SGCZ: variants seen among roughly 807,000 people sequenced by gnomAD.
SGCZ encodes sarcoglycan zeta.
In SGCZ, 40 loss-of-function variants were observed where a neutral mutation model predicts 41.3. That is an observed-to-expected ratio of 0.97 (90% CI 0.75 to 1.26). The LOEUF is 1.26. SGCZ is among the 50% of genes most tolerant of loss of function. The probability of loss-of-function intolerance (pLI) is 0.00; values close to 1 mark genes in which losing one functional copy is unlikely to be tolerated. For missense variants in SGCZ, 552 were observed against 369.8 expected, an observed-to-expected ratio of 1.49 and a Z score of -4.04; for synonymous variants, 206 against 137.5, an observed-to-expected ratio of 1.50 and a Z score of -3.49.
chr8:14,298,812 T>A (rs748079012), intron 3 of SGCZ, among the ~76,000 whole-genome samples: 1 of 152,034 alleles, frequency 6.6e-6, no homozygotes, highest in Non-Finnish European at 1.5e-5. Flanking sequence ...CTAACTGGTG[T>A]GTGTGGGTGT....
chr8:14,137,636 A>C (rs2116916393), intron 5 of SGCZ, among the ~76,000 whole-genome samples: 1 of 152,350 alleles, frequency 6.6e-6, no homozygotes, highest in Non-Finnish European at 1.5e-5. Flanking sequence ...AGAAAAAAAG[A>C]GTAAAAAGAA....
chr8:14,127,584 T>G (rs1802902103), intron 5 of SGCZ, among the ~76,000 whole-genome samples: 1 of 151,948 alleles, frequency 6.6e-6, no homozygotes, highest in South Asian at 2.1e-4. Flanking sequence ...GCCTCCCGAG[T>G]AGCTGGGACT....
intron 1 of SGCZ, among the ~76,000 whole-genome samples, chr8:14,735,953 T>C (rs1363412524): frequency 6.6e-6 from 1 of 151,932 alleles, no homozygotes; most frequent in Non-Finnish European, 1.5e-5. Flanking sequence ...AAGATAAAAG[T>C]CTACCAAATA....
chr8:14,989,823 C>T lies in SGCZ; in HGVS notation c.39+247762G>A, dbSNP rs189429871. On this transcript the variant is annotated intron_variant, in intron 1 of 7. Transcript: ENST00000382080. ...GTTTTTGTTACAAAAACATCCATAT[C>T]CATTACAGACATAAGTAGGAACCTG... Among the ~76,000 whole-genome samples the T allele has an allele frequency of 2.2e-3, 340 of 152,204 alleles. 2 individuals carry two copies. The highest frequency in any genetic ancestry group is 7.8e-3 in the African/African-American group (323 of 41,530).
At chr8:15,191,010 T>A (rs1429766470) in intron 1 of SGCZ, among the ~76,000 whole-genome samples, 2 of 152,050 alleles carry the variant, frequency 1.3e-5, no homozygotes, top group African/African-American at 4.8e-5. Context: ...ATTTTACTGT[T>A]ATAAATCTTC....
At position 14,949,060 on chromosome 8, in the gene SGCZ, T is replaced by C. The variant is rs1585404609; in HGVS notation, c.39+288525A>G. Reference sequence around the variant, plus strand: ...ATCACAATATCCAAAGTACATTCGGTACATTTCCACTGAAACTTACACCGC... The same window carrying C: ...ATCACAATATCCAAAGTACATTCGGCACATTTCCACTGAAACTTACACCGC... On this transcript the variant is annotated intron_variant, in intron 1 of 7. Coordinates refer to ENST00000382080, the MANE Select transcript of SGCZ (RefSeq NM_139167.4). Among the ~76,000 whole-genome samples, 4 of 152,260 alleles carry C rather than the reference T, an allele frequency of 2.6e-5. No individual in the cohort carries two copies. The South Asian group carries it at 6.2e-4, about 24-fold the overall frequency.
intron 1 of SGCZ, among the ~76,000 whole-genome samples, chr8:15,144,247 T>C (rs1464430524): frequency 6.6e-6 from 1 of 152,182 alleles, no homozygotes; most frequent in Non-Finnish European, 1.5e-5. Flanking sequence ...AGACTTAAAA[T>C]ATTTCTTATG....
At chr8:15,025,565 G>C (rs1803424967) in intron 1 of SGCZ, among the ~76,000 whole-genome samples, 1 of 152,134 alleles carries the variant, frequency 6.6e-6, no homozygotes, top group Non-Finnish European at 1.5e-5. Flanking sequence ...TTCTTAGTTT[G>C]AAATCCCATT....
intron 1 of SGCZ, among the ~76,000 whole-genome samples, chr8:15,119,576 A>G (rs1164059392): frequency 7.0e-6 from 1 of 143,686 alleles, no homozygotes; most frequent in Non-Finnish European, 1.5e-5. Flanking sequence ...CTATTATAAC[A>G]TGTCTATGAA....
At chr8:14,498,521 A>T (rs988106931) in intron 2 of SGCZ, among the ~76,000 whole-genome samples, 1 of 152,120 alleles carries the variant, frequency 6.6e-6, no homozygotes. Flanking sequence ...TAGAAACAAA[A>T]GAATAACCCA....
chr8:15,204,426 C>T (rs1800995500), intron 1 of SGCZ, among the ~76,000 whole-genome samples: 1 of 152,124 alleles, frequency 6.6e-6, no homozygotes, highest in Non-Finnish European at 1.5e-5. Flanking sequence ...TCTGTAATTG[C>T]ATTATTTTTA....
intron 1 of SGCZ, among the ~76,000 whole-genome samples, chr8:14,695,091 A>C (rs901714006): frequency 1.3e-5 from 2 of 152,174 alleles, no homozygotes; most frequent in African/African-American, 2.4e-5. Flanking sequence ...TAATGTCCAA[A>C]GAAAATTGAT....
At chr8:14,555,681 C>A (rs1804013692) in intron 1 of SGCZ, among the ~76,000 whole-genome samples, 2 of 152,142 alleles carry the variant, frequency 1.3e-5, no homozygotes, top group African/African-American at 2.4e-5. Context: ...TTTACCTGTT[C>A]TTTGCAGTAG....
chr8:14,681,043 A>G (rs1163794295), intron 1 of SGCZ, among the ~76,000 whole-genome samples: 1 of 151,572 alleles, frequency 6.6e-6, no homozygotes, highest in Non-Finnish European at 1.5e-5. Flanking sequence ...ATTGAAATCC[A>G]TAGATGAAAT....
intron 1 of SGCZ, among the ~76,000 whole-genome samples, chr8:14,896,136 T>C (rs1434147521): frequency 6.6e-6 from 1 of 152,200 alleles, no homozygotes; most frequent in Non-Finnish European, 1.5e-5. Flanking sequence ...GAAACTGCTA[T>C]GGGTAGGTGA....
intron 1 of SGCZ, among the ~76,000 whole-genome samples, chr8:15,171,055 G>C (rs988068225): frequency 4.6e-5 from 7 of 151,918 alleles, no homozygotes; most frequent in Admixed American, 2.0e-4. Flanking sequence ...AAATAATGAA[G>C]AACAATAATT....
intron 1 of SGCZ, among the ~76,000 whole-genome samples, chr8:14,726,341 T>TAAAA (rs1554488743): frequency 6.9e-6 from 1 of 144,534 alleles, no homozygotes; most frequent in Non-Finnish European, 1.5e-5. Context: ...TATATATATA[T>TAAAA]AAAATTAGAT....
At chr8:14,344,449 A>G (rs995344254) in intron 2 of SGCZ, among the ~76,000 whole-genome samples, 1 of 152,132 alleles carries the variant, frequency 6.6e-6, no homozygotes, top group Admixed American at 6.5e-5. Flanking sequence ...TAGAATAACA[A>G]CAATAAAACT....
At chr8:14,139,530 A>G (rs754485951) in intron 5 of SGCZ, among the ~76,000 whole-genome samples, 1 of 152,134 alleles carries the variant, frequency 6.6e-6, no homozygotes, top group African/African-American at 2.4e-5. Flanking sequence ...GCACAGTAAT[A>G]CAAACTACCA....
Sources: gnomAD v4.1 joint callset for allele counts (sites outside exome capture counted in the v4.1 genomes callset) on GRCh38, gnomAD v4.1.1 for gene constraint, MANE v1.5 for transcripts, NCBI Gene and HGNC (gene_info 2026-07-23, HGNC 2026-07-21) for gene names.